NOL4: variants seen among roughly 807,000 people sequenced by gnomAD.
The protein encoded by NOL4 is cancer/testis antigen 125.
Under a neutral mutation model 75.9 loss-of-function variants are expected in NOL4, and 17 were observed. The ratio of observed to expected loss-of-function variants is 0.22; its 90% CI spans 0.15 to 0.34. NOL4 has a LOEUF of 0.34. Among genes scored for constraint, NOL4 ranks in the 10% least tolerant of loss-of-function variants. NOL4 has a pLI of 1.00. For synonymous variants in NOL4, 292 were observed against 289.9 expected, an observed-to-expected ratio of 1.01 and a Z score of -0.07; for missense variants, 614 against 793.5, an observed-to-expected ratio of 0.77 and a Z score of 2.72.
chr18:34,187,313 C>G (rs1255087985), intron 1 of NOL4, among the ~76,000 whole-genome samples: 1 of 147,676 alleles, frequency 6.8e-6, no homozygotes, highest in Non-Finnish European at 1.5e-5. Context: ...GATTTTTTCA[C>G]TTAGTAATTT....
intron 9 of NOL4, among the ~76,000 whole-genome samples, chr18:33,929,402 T>C (rs2067539426): frequency 6.6e-6 from 1 of 152,162 alleles, no homozygotes; most frequent in Non-Finnish European, 1.5e-5. Context: ...TAGGAAGCCC[T>C]CCTGGATTCC....
At chr18:33,931,952 CT>C (rs968399472) in intron 9 of NOL4, among the ~76,000 whole-genome samples, 1 of 151,726 alleles carries the variant, frequency 6.6e-6, no homozygotes, top group Non-Finnish European at 1.5e-5. Context: ...TTGTACTATG[CT>C]TTGTTTAGAA....
intron 10 of NOL4, among the ~76,000 whole-genome samples, chr18:33,882,950 G>C (rs564608914): frequency 0.016 from 2,484 of 151,646 alleles, 61 homozygotes; most frequent in African/African-American, 0.056. Flanking sequence ...GTAAACTATC[G>C]CAAGAACAAA....
At chr18:33,904,340 G>C (rs970645579) in intron 9 of NOL4, among the ~76,000 whole-genome samples, 1 of 151,844 alleles carries the variant, frequency 6.6e-6, no homozygotes, top group Non-Finnish European at 1.5e-5. Context: ...GTATATAAAC[G>C]AAAAAAGTAG....
chr18:33,972,041 G>A (rs887120853), intron 6 of NOL4, among the ~76,000 whole-genome samples: 5 of 151,756 alleles, frequency 3.3e-5, no homozygotes, highest in African/African-American at 1.2e-4. Context: ...GTGGGCATCT[G>A]CAATCCCAGC....
At chr18:33,882,766 T>C (rs1449254551) in intron 10 of NOL4, among the ~76,000 whole-genome samples, 1 of 152,098 alleles carries the variant, frequency 6.6e-6, no homozygotes, top group African/African-American at 2.4e-5. Context: ...CGTATGTTTA[T>C]TGCGGCACTG....
At chr18:33,872,701 C>A (rs770666635) in intron 10 of NOL4, among the ~76,000 whole-genome samples, 10 of 151,896 alleles carry the variant, frequency 6.6e-5, no homozygotes, top group Non-Finnish European at 1.3e-4. Context: ...CTATTGAAAA[C>A]TTGAAATAGA....
At chr18:34,184,183 C>G (rs959214321) in intron 1 of NOL4, among the ~76,000 whole-genome samples, 1 of 151,530 alleles carries the variant, frequency 6.6e-6, no homozygotes, top group African/African-American at 2.4e-5. Flanking sequence ...AAGCTTCAGC[C>G]GAATTGAAAC....
intron 2 of NOL4, among the ~76,000 whole-genome samples, chr18:34,129,089 A>G (rs2080513435): frequency 6.6e-6 from 1 of 151,964 alleles, no homozygotes; most frequent in Non-Finnish European, 1.5e-5. Context: ...ACAGGATGAA[A>G]TATCTATAGT....
intron 9 of NOL4, among the ~76,000 whole-genome samples, chr18:33,888,129 G>A (rs1338178482): frequency 6.6e-6 from 1 of 152,240 alleles, no homozygotes; most frequent in African/African-American, 2.4e-5. Flanking sequence ...GTGTGAGATG[G>A]TATCTCATTG....
chr18:34,194,265 A>C (rs1244523352), intron 1 of NOL4, among the ~76,000 whole-genome samples: 3 of 152,188 alleles, frequency 2.0e-5, no homozygotes, highest in Non-Finnish European at 4.4e-5. Context: ...TATGTTAATT[A>C]GCTCAATTTA....
At chr18:34,151,728 T>C (rs2081647939) in intron 1 of NOL4, among the ~76,000 whole-genome samples, 1 of 151,920 alleles carries the variant, frequency 6.6e-6, no homozygotes, top group African/African-American at 2.4e-5. Flanking sequence ...CAATGTAGTT[T>C]CATTGATTGT....
At chr18:34,192,587 G>A (rs1194511410) in intron 1 of NOL4, among the ~76,000 whole-genome samples, 1 of 152,120 alleles carries the variant, frequency 6.6e-6, no homozygotes, top group African/African-American at 2.4e-5. Flanking sequence ...TTTTAATAAA[G>A]GTGCCAAGAA....
chr18:34,145,699 A>G (rs2081368910), intron 1 of NOL4, among the ~76,000 whole-genome samples: 2 of 151,978 alleles, frequency 1.3e-5, no homozygotes, highest in African/African-American at 4.8e-5. Context: ...AAAAGAAACA[A>G]CAGTACTAAG....
chr18:33,855,819 A>G (rs1299968871), intron 10 of NOL4, among the ~76,000 whole-genome samples: 1 of 63,364 alleles, frequency 1.6e-5, no homozygotes, highest in Non-Finnish European at 3.6e-5. Context: ...TTACTTCTTC[A>G]TTTTCTTTTT....
intron 2 of NOL4, among the ~76,000 whole-genome samples, chr18:34,105,793 A>G (rs1465443287): frequency 6.6e-6 from 1 of 152,036 alleles, no homozygotes; most frequent in Non-Finnish European, 1.5e-5. Context: ...AATAGCTCAC[A>G]CTGACTGTCA....
chr18:33,884,670 C>A (rs2064527524), intron 9 of NOL4, among the ~76,000 whole-genome samples: 1 of 149,052 alleles, frequency 6.7e-6, no homozygotes, highest in Admixed American at 6.7e-5. Context: ...CTAGGGAATT[C>A]TTAGGAGAGT....
intron 9 of NOL4, among the ~76,000 whole-genome samples, chr18:33,931,497 G>C (rs1006174346): frequency 1.3e-5 from 2 of 152,096 alleles, no homozygotes; most frequent in Non-Finnish European, 2.9e-5. Context: ...TTGGGAGGCC[G>C]AAGTTGGAGA....
intron 1 of NOL4, among the ~76,000 whole-genome samples, chr18:34,199,145 GTTT>G (rs11323634): frequency 7.6e-6 from 1 of 131,274 alleles, no homozygotes; most frequent in Non-Finnish European, 1.6e-5. Flanking sequence ...GGACAGAGAA[GTTT>G]TTTTTTTTTT....
Sources: allele counts gnomAD v4.1 joint callset (sites outside exome capture counted in the v4.1 genomes callset), GRCh38; gene constraint gnomAD v4.1.1; transcripts MANE v1.5; gene names NCBI Gene and HGNC (gene_info 2026-07-23, HGNC 2026-07-21).